Variants in DNAJC27 observed in about 807,000 individuals in gnomAD.
DNAJC27 encodes the protein dnaJ homolog subfamily C member 27.
DNAJC27 carries 25 observed loss-of-function variants against 31.4 expected under a neutral mutation model. The observed-to-expected ratio is 0.80, with a 90% CI of 0.58 to 1.11. The LOEUF is 1.11. Among genes scored for constraint, DNAJC27 ranks in the 50% most tolerant of loss-of-function variants. DNAJC27 has a pLI of 0.00. For missense variants in DNAJC27, 356 were observed against 347.3 expected (o/e 1.02, Z -0.20); for synonymous variants, 106 against 112.7 (o/e 0.94, Z 0.37).
At position 24,946,581 on chromosome 2, in the gene DNAJC27, T is replaced by C. The variant is rs1008044693; in HGVS notation, c.*1035A>G. 3 of 152,218 alleles carry C rather than the reference T, an allele frequency of 2.0e-5. No homozygotes were observed. The highest frequency in any genetic ancestry group is 7.2e-5 in the African/African-American group (3 of 41,440). The allele number at this position is 152,218 out of a possible 1,614,324, so 9.4% of individuals were successfully genotyped here. ...GCAGTAAGACAAGGGCTAAGCCTCATAAGGAGTCTCTCCTACTGCATCAAG... is the reference window on the plus strand; with the variant it reads ...GCAGTAAGACAAGGGCTAAGCCTCACAAGGAGTCTCTCCTACTGCATCAAG... On this transcript the variant is annotated 3_prime_UTR_variant, in exon 7 of 7. Coordinates refer to ENST00000264711, the MANE Select transcript of DNAJC27 (RefSeq NM_016544.3).
chr2:24,963,397 T>C lies in DNAJC27; in HGVS notation c.240+8A>G, dbSNP rs1666097156. On this transcript the variant is annotated splice_region_variant and intron_variant, in intron 3 of 6. Transcript: ENST00000264711. ...TGGATATAGGTTTTGTCAAAAAGGC[T>C]TTCTTACCTCATAGAAGAAGGGATG... The C allele has an allele frequency of 1.2e-6, 2 of 1,612,172 alleles. No individual in the cohort carries two copies. The highest frequency in any genetic ancestry group is 1.7e-5 in the Admixed American group (1 of 59,946).
rs1296074254 is a variant in DNAJC27 at position 24,943,848 on chromosome 2, A to C, written c.*3768T>G. The stretch of plus-strand genomic sequence containing the variant: ...AACGCCCAGGGGCAATCAATGCAGG[A>C]AGCTAACCAACACTGTCCAGCTCTC... On this transcript the variant is annotated 3_prime_UTR_variant, in exon 7 of 7. Transcript: ENST00000264711. The C allele has an allele frequency of 6.5e-6, 1 of 152,680 alleles. No homozygotes were observed. The highest frequency in any genetic ancestry group is 1.9e-4 in the East Asian group (1 of 5,202). The allele number at this position is 152,680 out of a possible 1,614,324, so 9.5% of individuals were successfully genotyped here.
At chr2:24,954,397 G>GA (rs1266084636) in intron 5 of DNAJC27, among the ~76,000 whole-genome samples, 3 of 152,176 alleles carry the variant, frequency 2.0e-5, no homozygotes, top group African/African-American at 7.2e-5. Flanking sequence ...CAGAAAGGCT[G>GA]TGCCCTAAAA....
chr2:24,967,406 A>C, intron 1 of DNAJC27, 113 bp from the exon 2 acceptor site: 2 of 866,314 alleles, frequency 2.3e-6, no homozygotes, highest in Non-Finnish European at 1.8e-6. Context: ...AAGCATTTTC[A>C]AAAGACAAAA....
intron 1 of DNAJC27, chr2:24,971,607 G>T (rs1391604264): frequency 6.2e-6 from 3 of 485,812 alleles, no homozygotes; most frequent in Non-Finnish European, 1.1e-5. Context: ...ACCATCTCCG[G>T]AAGAGTGACG....
intron 1 of DNAJC27, 120 bp downstream of exon 1, chr2:24,971,698 G>A (rs1024183286): frequency 1.7e-5 from 14 of 819,250 alleles, no homozygotes; most frequent in East Asian, 3.1e-5. Context: ...GCTGAGACCC[G>A]GGCCTGCTCG....
chr2:24,950,861 A>AT (rs1320964102), intron 6 of DNAJC27, among the ~76,000 whole-genome samples: 5 of 147,082 alleles, frequency 3.4e-5, no homozygotes, highest in African/African-American at 9.8e-5. Flanking sequence ...AATAAAAATA[A>AT]AAAAAAAAAA....
chr2:24,968,258 TTCCC>T (rs1279390552), intron 1 of DNAJC27, among the ~76,000 whole-genome samples: 4 of 152,312 alleles, frequency 2.6e-5, no homozygotes, highest in South Asian at 4.1e-4. Context: ...TATGCAAATA[TTCCC>T]TCCATTTCAT....
At chr2:24,962,221 G>T (rs200032920) in intron 3 of DNAJC27, among the ~76,000 whole-genome samples, 997 of 16,752 alleles carry the variant, frequency 0.06, 7 homozygotes, top group Middle Eastern at 0.14. Context: ...TTTTTCTTTT[G>T]TTTTTTTTTG....
At chr2:24,971,734 G>T in intron 1 of DNAJC27, 84 bp downstream of exon 1, 1 of 1,254,672 alleles carries the variant, frequency 8.0e-7, no homozygotes, top group Non-Finnish European at 1.1e-6. Flanking sequence ...CCGGGCCCCA[G>T]GCTGTTGAGT....
chr2:24,968,002 C>T (rs1292462988), intron 1 of DNAJC27, among the ~76,000 whole-genome samples: 2 of 145,664 alleles, frequency 1.4e-5, no homozygotes, highest in Admixed American at 6.9e-5. Flanking sequence ...CAGTGAGCCA[C>T]GATGATGCCA....
chr2:24,951,184 T>C (rs1016818038), intron 6 of DNAJC27, among the ~76,000 whole-genome samples: 1 of 152,264 alleles, frequency 6.6e-6, no homozygotes, highest in Non-Finnish European at 1.5e-5. Flanking sequence ...TTTATGCACG[T>C]ACACGACACA....
chr2:24,964,460 A>G (rs4233706), intron 2 of DNAJC27, among the ~76,000 whole-genome samples: 1 of 151,526 alleles, frequency 6.6e-6, no homozygotes, highest in Non-Finnish European at 1.5e-5. Flanking sequence ...ATTCAAACAC[A>G]AAAGAAAAAC....
upstream of DNAJC27, chr2:24,972,045 T>G: frequency 1.6e-6 from 1 of 609,536 alleles, no homozygotes; most frequent in Non-Finnish European, 2.6e-6. Flanking sequence ...CGCCGCTGCC[T>G]GGCAGCAGGC....
intron 5 of DNAJC27, among the ~76,000 whole-genome samples, chr2:24,955,963 G>T (rs1665894609): frequency 6.6e-6 from 1 of 152,298 alleles, no homozygotes; most frequent in Admixed American, 6.5e-5. Flanking sequence ...CAAATGGTTA[G>T]GTATCATTAT....
chr2:24,946,387 G>A lies in DNAJC27; in HGVS notation c.*1229C>T, dbSNP rs1665651853. ...GGGAGGAGGCAGTGGCCAGAAGCCA[G>A]GGACTCTAGAGGAGAGAAATGATGG... On this transcript the variant is annotated 3_prime_UTR_variant, in exon 7 of 7. Coordinates refer to ENST00000264711, the MANE Select transcript of DNAJC27 (RefSeq NM_016544.3). 2 of 152,250 alleles carry A rather than the reference G, an allele frequency of 1.3e-5. 1 individual carries two copies. Among genetic ancestry groups the A allele is most frequent in the South Asian group, 4.1e-4 (2 of 4,828 alleles). 9.4% of individuals were successfully genotyped at this position (152,250 alleles called of 1,614,324 possible).
intron 6 of DNAJC27, among the ~76,000 whole-genome samples, chr2:24,949,755 T>G (rs1665723745): frequency 6.6e-6 from 1 of 152,198 alleles, no homozygotes; most frequent in Non-Finnish European, 1.5e-5. Context: ...GTTTCTTCTT[T>G]CTTAATGAAT....
chr2:24,951,011 A>G (rs1280907405), intron 6 of DNAJC27, among the ~76,000 whole-genome samples: 1 of 152,202 alleles, frequency 6.6e-6, no homozygotes, highest in Non-Finnish European at 1.5e-5. Flanking sequence ...ATCTCACTGA[A>G]TCCCAGTTTT....
At position 24,967,386 on chromosome 2, in the gene DNAJC27, C is replaced by T. The variant is rs1573118792; in HGVS notation, c.88-93G>A. ...TCTTCATTATGGTTCCTCCATTCAT[C>T]ACTATGAAAAAGCATTTTCAAAAGA... On this transcript the variant is annotated intron_variant, in intron 1 of 6. Transcript: ENST00000264711. 3.0e-6 allele frequency: 3 copies of T among 1,013,132 alleles called. No individual in the cohort carries two copies. In the East Asian group the frequency reaches 7.7e-5, roughly 26 times the overall value. The allele number at this position is 1,013,132 out of a possible 1,614,324, so 62.8% of individuals were successfully genotyped here. A position where few individuals can be genotyped will look rare whatever the true frequency, so the allele number is the denominator to read the frequency against.
Sources: allele counts gnomAD v4.1 joint callset (sites outside exome capture counted in the v4.1 genomes callset), GRCh38; gene constraint gnomAD v4.1.1; transcripts MANE v1.5; gene names NCBI Gene and HGNC (gene_info 2026-07-23, HGNC 2026-07-21).